Variants in TRPM3 observed in about 807,000 individuals in gnomAD.
TRPM3 encodes long transient receptor potential channel 3.
Under a neutral mutation model 181.2 loss-of-function variants are expected in TRPM3, and 77 were observed. The observed-to-expected ratio is 0.42, with a 90% CI of 0.35 to 0.51. TRPM3 has a LOEUF of 0.51. Among genes scored for constraint, TRPM3 ranks in the 20% least tolerant of loss-of-function variants. TRPM3 has a pLI of 0.01. For missense variants in TRPM3, 1,759 were observed against 2,196.7 expected, an observed-to-expected ratio of 0.80 and a Z score of 3.98; for synonymous variants, 745 against 796.4, an observed-to-expected ratio of 0.94 and a Z score of 1.09.
At chr9:71,132,721 C>T (rs2074450515) in intron 1 of TRPM3, among the ~76,000 whole-genome samples, 1 of 151,906 alleles carries the variant, frequency 6.6e-6, no homozygotes, top group South Asian at 2.1e-4. Flanking sequence ...TTCTATTATC[C>T]ATCAATAACT....
intron 1 of TRPM3, among the ~76,000 whole-genome samples, chr9:71,091,529 C>T (rs934432597): frequency 3.3e-5 from 5 of 152,008 alleles, no homozygotes; most frequent in Admixed American, 6.6e-5. Flanking sequence ...GGAGTTGTTG[C>T]CGTTACCTTG....
chr9:71,040,919 T>C (rs573906911), intron 1 of TRPM3, among the ~76,000 whole-genome samples: 1 of 152,182 alleles, frequency 6.6e-6, no homozygotes, highest in South Asian at 2.1e-4. Flanking sequence ...TCATGAAAGA[T>C]AAGGGAAGAC....
rs150407735 is a variant in TRPM3 at position 70,960,363 on chromosome 9, C to T, written c.178-95852G>A. Among the ~76,000 whole-genome samples, 104 of 152,130 alleles carry T rather than the reference C, an allele frequency of 6.8e-4. 1 individual carries two copies. Among genetic ancestry groups the T allele is most frequent in the African/African-American group, 2.4e-3 (98 of 41,440 alleles). ...GCTGCCTCCAGGTGATAGTCCCTCC[C>T]ATCCATGGAAAAAGGTCTCTCTGAA... On this transcript the variant is annotated intron_variant, in intron 1 of 25. Transcript: ENST00000677713.
intron 1 of TRPM3, among the ~76,000 whole-genome samples, chr9:70,940,622 A>G (rs1013795396): frequency 6.6e-6 from 1 of 152,252 alleles, no homozygotes; most frequent in Non-Finnish European, 1.5e-5. Flanking sequence ...ATAGTGTGAA[A>G]GAAATAATCA....
At chr9:71,268,993 A>C (rs2083587291) in intron 1 of TRPM3, among the ~76,000 whole-genome samples, 1 of 152,188 alleles carries the variant, frequency 6.6e-6, no homozygotes. Flanking sequence ...GAGTAAAGAC[A>C]CAAAAGCACA....
intron 1 of TRPM3, among the ~76,000 whole-genome samples, chr9:71,157,274 A>G (rs2076054294): frequency 6.6e-6 from 1 of 152,190 alleles, no homozygotes; most frequent in Non-Finnish European, 1.5e-5. Flanking sequence ...TATTTTTACT[A>G]AAATACCAAA....
At chr9:71,410,717 C>A (rs2093530926) in intron 1 of TRPM3, among the ~76,000 whole-genome samples, 3 of 152,120 alleles carry the variant, frequency 2.0e-5, no homozygotes, top group Non-Finnish European at 4.4e-5. Context: ...GAAACTATTC[C>A]AATCAATAGA....
chr9:70,867,216 C>T (rs746583798), intron 1 of TRPM3, among the ~76,000 whole-genome samples: 3 of 152,002 alleles, frequency 2.0e-5, no homozygotes, highest in Admixed American at 6.6e-5. Context: ...TAGGAAGACA[C>T]CAGAATCTGA....
intron 1 of TRPM3, among the ~76,000 whole-genome samples, chr9:71,096,555 C>T (rs766939980): frequency 9.5e-5 from 13 of 136,886 alleles, no homozygotes; most frequent in Non-Finnish European, 1.4e-4. Context: ...ATCCTGTGAG[C>T]GCATGCACAC....
chr9:71,080,196 A>AAATAAATAAATG lies in TRPM3; in HGVS notation c.177+40981_177+40982insCATTTATTTATT, dbSNP rs1591254951. On this transcript the variant is annotated intron_variant, in intron 1 of 25. Coordinates refer to ENST00000677713, the MANE Select transcript of TRPM3 (RefSeq NM_001366145.2). ...AAAATAAATAAATAAATAAATAAAT[A>AAATAAATAAATG]AATAAATAAATAAAATAAAAAGGGA... is the stretch of plus-strand genomic sequence containing the variant. Among the ~76,000 whole-genome samples the AAATAAATAAATG allele has an allele frequency of 2.0e-5, 3 of 149,992 alleles. No homozygotes were observed. The East Asian group carries it at 5.8e-4, about 29-fold the overall frequency.
At chr9:71,420,736 AAAG>A (rs2093726682) in intron 1 of TRPM3, among the ~76,000 whole-genome samples, 2 of 61,032 alleles carry the variant, frequency 3.3e-5, no homozygotes, top group South Asian at 6.0e-4. Context: ...AGAGAGAGAG[AAAG>A]AGAGAGAAAG....
intron 1 of TRPM3, among the ~76,000 whole-genome samples, chr9:70,934,605 C>A (rs1415506689): frequency 6.6e-6 from 1 of 152,118 alleles, no homozygotes; most frequent in East Asian, 1.9e-4. Context: ...TATGATCTTA[C>A]AGGGTTATGA....
intron 9 of TRPM3, among the ~76,000 whole-genome samples, chr9:70,653,380 A>T (rs1172630216): frequency 1.3e-5 from 2 of 152,110 alleles, no homozygotes; most frequent in African/African-American, 4.8e-5. Context: ...GTTGCGGACC[A>T]GAGTCAGGGC....
chr9:70,697,062 A>G (rs1025495552), intron 8 of TRPM3, among the ~76,000 whole-genome samples: 2 of 152,172 alleles, frequency 1.3e-5, no homozygotes, highest in African/African-American at 4.8e-5. Context: ...AAGAAGAAGC[A>G]AAGCAGCGTC....
chr9:71,408,496 G>A (rs904457310), intron 1 of TRPM3, among the ~76,000 whole-genome samples: 2 of 152,158 alleles, frequency 1.3e-5, no homozygotes, highest in Non-Finnish European at 1.5e-5. Flanking sequence ...GTGGAAAAAA[G>A]GGTATCAGTG....
intron 7 of TRPM3, chr9:70,775,896 G>A (rs1312770050): frequency 6.6e-6 from 1 of 152,128 alleles, no homozygotes; most frequent in Admixed American, 6.6e-5. Flanking sequence ...TGTATACACT[G>A]TGGAATGGCT....
intron 22 of TRPM3, among the ~76,000 whole-genome samples, chr9:70,564,656 G>C (rs2050076863): frequency 6.6e-6 from 1 of 152,144 alleles, no homozygotes; most frequent in African/African-American, 2.4e-5. Context: ...TCTGTGCCTG[G>C]AAGGATCAGT....
rs184350746 is a variant in TRPM3, at chr9:71,022,347, A to G, written c.177+98831T>C. Among the ~76,000 whole-genome samples the G allele has an allele frequency of 4.6e-5, 7 of 152,316 alleles. No homozygotes were observed. In the East Asian group the frequency reaches 1.3e-3, roughly 29 times the overall value. On this transcript the variant is annotated intron_variant, in intron 1 of 25. Transcript: ENST00000677713. ...TAGAGTAATAGGACATCCATAAGAA[A>G]ATAAATACATGAACTTCAACCTAAA...
At chr9:71,155,553 C>T (rs377459253) in intron 1 of TRPM3, among the ~76,000 whole-genome samples, 161 of 109,774 alleles carry the variant, frequency 1.5e-3, no homozygotes, top group African/African-American at 5.8e-3. Context: ...TGGGTTTTCA[C>T]CACGTTGGCC....
Sources: gnomAD v4.1 joint callset for allele counts (sites outside exome capture counted in the v4.1 genomes callset) on GRCh38, gnomAD v4.1.1 for gene constraint, MANE v1.5 for transcripts, NCBI Gene and HGNC (gene_info 2026-07-23, HGNC 2026-07-21) for gene names.